Variants in SLC49A3 observed in about 807,000 individuals in gnomAD.
The protein encoded by SLC49A3 is solute carrier family 49 member A3.
SLC49A3 carries 50 observed loss-of-function variants against 43.8 expected under a neutral mutation model. The ratio of observed to expected loss-of-function variants is 1.14; its 90% confidence interval spans 0.91 to 1.45. The LOEUF (loss-of-function observed/expected upper bound fraction) is 1.45, where lower values mean the gene tolerates loss of function less well. Among genes scored for constraint, SLC49A3 ranks in the 40% most tolerant of loss-of-function variants. The pLI is 0.00. For synonymous variants in SLC49A3, 413 were observed against 352.0 expected, an observed-to-expected ratio of 1.17 and a Z score of -1.94; for missense variants, 906 against 774.1, an observed-to-expected ratio of 1.17 and a Z score of -2.02.
At chr4:681,205 T>C, downstream of SLC49A3, 1 of 1,551,128 alleles carries the variant, frequency 6.4e-7, no homozygotes, top group Non-Finnish European at 8.7e-7. Context: ...GTCAGCTGGG[T>C]GGAGGGGGAC....
chr4:685,989 G>A lies in SLC49A3; in HGVS notation c.509-78C>T. 6.2e-7 allele frequency: 1 copy of A among 1,608,556 alleles called. No individual in the cohort carries two copies. Among genetic ancestry groups the A allele is most frequent in the Non-Finnish European group, 8.5e-7 (1 of 1,177,314 alleles). On this transcript the variant is annotated intron_variant, in intron 3 of 9. Coordinates refer to ENST00000322224, the MANE Select transcript of SLC49A3 (RefSeq NM_032219.4). This position sits in a 1 kb window ranked among gnomAD's most constrained non-coding sequence, Gnocchi z 4.3. ...CCAGCCCACAGGCAGAACCTTCCGG[G>A]CCCCAGCTCCTCCACCCTGGCCAGA...
chr4:684,507 G>A lies in SLC49A3; in HGVS notation c.816C>T (p.Ile272=), dbSNP rs1560169874. The A allele has an allele frequency of 6.2e-7, 1 of 1,613,204 alleles. No homozygotes were observed. The highest frequency in any genetic ancestry group is 1.3e-5 in the African/African-American group (1 of 75,044). The part of the protein sequence containing the change: ...SASFSALLEQ[I]LCASGHSSGF... Reference sequence around the variant, plus strand: ...CACTGGAGTGGCCGCTTGCACAGAGGATCTGCTCCAGGAGGGCTGAGAAGC... The same window carrying A: ...CACTGGAGTGGCCGCTTGCACAGAGAATCTGCTCCAGGAGGGCTGAGAAGC... Residue 272 remains isoleucine (I), a synonymous_variant, in exon 6 of 10, where the codon ATC becomes ATT. Transcript: ENST00000322224.
intron 1 of SLC49A3, among the ~76,000 whole-genome samples, chr4:687,652 G>A (rs1304561708): frequency 1.3e-5 from 2 of 152,240 alleles, no homozygotes; most frequent in Non-Finnish European, 2.9e-5. Context: ...CGTCTGAAGC[G>A]TGCGGGGCAA....
chr4:684,181 C>G (rs1271034164), intron 6 of SLC49A3, among the ~76,000 whole-genome samples: 1 of 152,202 alleles, frequency 6.6e-6, no homozygotes, highest in Non-Finnish European at 1.5e-5. Context: ...CCCACAGGGG[C>G]GGGGCCTTGC....
In SLC49A3 at chr4:682,111, TG is replaced by T; in HGVS notation, c.1526del (p.Pro509GlnfsTer49). 7.3e-7 allele frequency: 1 copy of T among 1,364,298 alleles called. No individual in the cohort carries two copies. Among genetic ancestry groups the T allele is most frequent in the African/African-American group, 1.5e-5 (1 of 66,602 alleles). The allele number at this position is 1,364,298 out of a possible 1,614,324, so 84.5% of individuals were successfully genotyped here. A position where few individuals can be genotyped will look rare whatever the true frequency, so the allele number is the denominator to read the frequency against. ...EDPRGPGSPH[P>X]ACHRATPRAQ... ...CACGGGGAGTCGCTCGGTGGCAGGC[TG>T]GGTGGGGGCTCCCGGGCCCTCTGGG... On this transcript the variant is annotated frameshift_variant, in exon 10 of 10. Transcript: ENST00000322224. LOFTEE classifies it low-confidence loss of function (END_TRUNC).
Position 682,117 on chromosome 4 carries a change from G to A in SLC49A3, c.1521C>T (p.Pro507=), listed in dbSNP as rs751630164. 1.9e-5 allele frequency: 26 copies of A among 1,357,278 alleles called. No individual in the cohort carries two copies. The highest frequency in any genetic ancestry group is 2.9e-5 in the East Asian group (1 of 34,766). 84.1% of individuals were successfully genotyped at this position (1,357,278 alleles called of 1,614,324 possible). Residue 507 remains proline, a synonymous_variant, in exon 10 of 10, where the codon CCC becomes CCT. Transcript: ENST00000322224. ...GAGTCGCTCGGTGGCAGGCTGGGTG[G>A]GGGCTCCCGGGCCCTCTGGGGTCCT... is the stretch of plus-strand genomic sequence containing the variant. ...SLEDPRGPGS[P]HPACHRATPR...
At chr4:678,383 TG>T, downstream of SLC49A3, 1 of 1,414,338 alleles carries the variant, frequency 7.1e-7, no homozygotes, top group Admixed American at 2.9e-5. Flanking sequence ...TGGCTCCTGC[TG>T]GACGGCGATC....
chr4:684,652 A>G (rs1236365749), intron 5 of SLC49A3, 53 bp from the exon 6 acceptor site: 2 of 1,609,596 alleles, frequency 1.2e-6, no homozygotes, highest in South Asian at 2.2e-5. Flanking sequence ...TCCCAAACCC[A>G]TCGCCTCCTC....
At position 682,817 on chromosome 4, in the gene SLC49A3, T is replaced by G. The variant is rs750024392; in HGVS notation, c.1225A>C (p.Thr409Pro). 1.5e-5 allele frequency: 24 copies of G among 1,600,610 alleles called. No homozygotes were observed. Among genetic ancestry groups the G allele is most frequent in the Middle Eastern group, 1.7e-4 (1 of 6,002 alleles). ...TVRRSEPSLS[T>P]CQQGEDPLDW... is the part of the protein sequence containing the mutation. ...AGTGGATCCTCCCCCTGCTGGCAGG[T>G]GGACAAGGACGGCTCCGAGCGTCGC... Residue 409 changes from threonine to proline, a missense_variant, in exon 9 of 10, where the codon ACC becomes CCC. Coordinates refer to ENST00000322224, the MANE Select transcript of SLC49A3 (RefSeq NM_032219.4).
downstream of SLC49A3, chr4:678,804 G>A (rs773019289): frequency 3.1e-6 from 5 of 1,608,660 alleles, no homozygotes; most frequent in East Asian, 8.9e-5. Context: ...CCCACCCCCA[G>A]GAGCCTGTGC....
chr4:680,045 C>T, downstream of SLC49A3: 2 of 1,541,518 alleles, frequency 1.3e-6, no homozygotes, highest in African/African-American at 1.4e-5. Flanking sequence ...CAGGCCTGGC[C>T]CTCCTAGCTA....
At chr4:678,357 C>T (rs189276557), downstream of SLC49A3, 15 of 1,413,012 alleles carry the variant, frequency 1.1e-5, no homozygotes, top group Non-Finnish European at 1.4e-5. Context: ...GCCCCTCAAG[C>T]CTTCAGAGGC....
Position 684,523 on chromosome 4 carries a change from G to T in SLC49A3, c.800C>A (p.Ala267Asp). 1 of 1,613,186 alleles carries T rather than the reference G, an allele frequency of 6.2e-7. No individual in the cohort carries two copies. Among genetic ancestry groups the T allele is most frequent in the East Asian group, 2.2e-5 (1 of 44,862 alleles). ...GMIGISASFS[A>D]LLEQILCASG... ...TGCACAGAGGATCTGCTCCAGGAGG[G>T]CTGAGAAGCTGGCAGAGATCCCGAT... The change falls in exon 6 of 10, where the codon GCC becomes GAC. Residue 267 changes from alanine (A) to aspartate (D), a missense_variant. Ala to Asp is a moderately radical substitution (Grantham distance 126). Transcript: ENST00000322224.
At chr4:682,977 G>T in intron 8 of SLC49A3, 87 bp from the exon 9 acceptor site, 1 of 1,266,330 alleles carries the variant, frequency 7.9e-7, no homozygotes, top group Non-Finnish European at 1.1e-6. Flanking sequence ...CATCGGTGCT[G>T]TCCCTTGTGC....
At chr4:678,666 G>C (rs776201829), downstream of SLC49A3, 2 of 1,608,184 alleles carry the variant, frequency 1.2e-6, no homozygotes, top group South Asian at 2.2e-5. Context: ...AGGCCAGCAG[G>C]AAGACCAAGA....
At position 683,383 on chromosome 4, in the gene SLC49A3, C is replaced by T. The variant is rs371408508; in HGVS notation, c.994-16G>A. 39 of 1,603,316 alleles carry T rather than the reference C, an allele frequency of 2.4e-5. 1 individual carries two copies. Among genetic ancestry groups the T allele is most frequent in the South Asian group, 1.7e-4 (15 of 90,242 alleles). On this transcript the variant is annotated splice_polypyrimidine_tract_variant and intron_variant, in intron 7 of 9. Transcript: ENST00000322224. ...GCTGGGACACCTGGGAGCAGCGGAA[C>T]GGCAGGCAGACAGGTGGAGGGGGTG...
downstream of SLC49A3, chr4:678,183 CGTGT>C: frequency 7.8e-6 from 12 of 1,533,458 alleles, no homozygotes; most frequent in Middle Eastern, 2.3e-4. Flanking sequence ...TGTGCATGAG[CGTGT>C]GTATGTGCGT....
At chr4:681,370 C>G (rs957570518), downstream of SLC49A3, among the ~76,000 whole-genome samples, 2 of 152,030 alleles carry the variant, frequency 1.3e-5, no homozygotes, top group East Asian at 3.9e-4. Context: ...GGCTGGAGAC[C>G]CCTCCGCGGC....
At chr4:683,520 T>C in intron 7 of SLC49A3, 89 bp downstream of exon 7, 1 of 1,507,578 alleles carries the variant, frequency 6.6e-7, no homozygotes, top group South Asian at 1.3e-5. Context: ...AGTCCAGACC[T>C]CTGTTCCAGC....
Sources: allele counts gnomAD v4.1 joint callset (sites outside exome capture counted in the v4.1 genomes callset), GRCh38; gene constraint gnomAD v4.1.1; non-coding constraint Gnocchi (gnomAD v3.1); transcripts MANE v1.5; gene names NCBI Gene and HGNC (gene_info 2026-07-23, HGNC 2026-07-21).